The following ARHGAP44 variants were observed in gnomAD, a reference collection of about 807,000 sequenced individuals.
ARHGAP44 encodes the protein rho GTPase-activating protein 44.
In ARHGAP44, 43 loss-of-function variants were observed where a neutral mutation model predicts 106.8. The observed-to-expected ratio is 0.40, with a 90% CI of 0.32 to 0.52. The LOEUF is 0.52. Ranked by LOEUF, ARHGAP44 falls within the 20% of genes least tolerant of loss-of-function variation. The probability of loss-of-function intolerance (pLI) is 0.48; values close to 1 mark genes in which losing one functional copy is unlikely to be tolerated. For missense variants in ARHGAP44, 866 were observed against 1,050.5 expected, an observed-to-expected ratio of 0.82 and a Z score of 2.43; for synonymous variants, 439 against 410.3, an observed-to-expected ratio of 1.07 and a Z score of -0.85.
intron 1 of ARHGAP44, among the ~76,000 whole-genome samples, chr17:12,799,825 C>T (rs1567619361): frequency 6.6e-6 from 1 of 152,154 alleles, no homozygotes; most frequent in Non-Finnish European, 1.5e-5. Flanking sequence ...AGACAGAGTT[C>T]ACCATGTTGG....
At chr17:12,864,497 C>A (rs751812976) in intron 1 of ARHGAP44, among the ~76,000 whole-genome samples, 2 of 152,104 alleles carry the variant, frequency 1.3e-5, no homozygotes, top group Non-Finnish European at 2.9e-5. Flanking sequence ...CAGTGCCTCA[C>A]CTAACTCCGT....
chr17:12,963,619 G>T (rs2039317584), intron 16 of ARHGAP44, among the ~76,000 whole-genome samples: 2 of 151,818 alleles, frequency 1.3e-5, no homozygotes. Context: ...GTGCAGACAG[G>T]CTGGCTTTGC....
intron 16 of ARHGAP44, among the ~76,000 whole-genome samples, chr17:12,969,666 C>T (rs1281141465): frequency 6.6e-6 from 1 of 152,212 alleles, no homozygotes; most frequent in Non-Finnish European, 1.5e-5. Context: ...AAGGTGTTGT[C>T]TGATGCTCTG....
intron 1 of ARHGAP44, among the ~76,000 whole-genome samples, chr17:12,855,749 G>A (rs574304137): frequency 1.3e-5 from 2 of 152,128 alleles, no homozygotes; most frequent in East Asian, 1.9e-4. Flanking sequence ...TTAAGTGAGC[G>A]ATTAATGTTG....
intron 1 of ARHGAP44, among the ~76,000 whole-genome samples, chr17:12,842,469 C>T (rs2035447521): frequency 6.6e-6 from 1 of 151,306 alleles, no homozygotes; most frequent in Non-Finnish European, 1.5e-5. Context: ...AAAATCATCC[C>T]AGGTTATCCA....
chr17:12,874,469 A>G (rs1041467637), intron 1 of ARHGAP44, among the ~76,000 whole-genome samples: 1 of 152,046 alleles, frequency 6.6e-6, no homozygotes, highest in Non-Finnish European at 1.5e-5. Flanking sequence ...GGCAGCTCAC[A>G]CCTGTAATCC....
intron 1 of ARHGAP44, among the ~76,000 whole-genome samples, chr17:12,832,001 A>C (rs1362282548): frequency 6.6e-6 from 1 of 152,168 alleles, no homozygotes; most frequent in African/African-American, 2.4e-5. Context: ...CCAAGACTGA[A>C]GCCTAGGCCA....
intron 1 of ARHGAP44, among the ~76,000 whole-genome samples, chr17:12,884,069 CAA>C (rs2036814270): frequency 6.6e-6 from 1 of 152,054 alleles, no homozygotes; most frequent in Non-Finnish European, 1.5e-5. Context: ...TTTTCTCCCT[CAA>C]AGTCTATTAG....
Position 12,913,069 on chromosome 17 carries a change from C to T in ARHGAP44, c.276-2831C>T, listed in dbSNP as rs150948182. Among the ~76,000 whole-genome samples, 690 of 152,154 alleles carry T rather than the reference C, an allele frequency of 4.5e-3. 8 individuals carry two copies. The highest frequency in any genetic ancestry group is 0.016 in the African/African-American group (654 of 41,500). On this transcript the variant is annotated intron_variant, in intron 4 of 20. Transcript: ENST00000379672. ...CTTAGGGATACAGGAAAACTCAATC[C>T]GCATTGAGACAGGTCCAGGAGGGAT...
intron 1 of ARHGAP44, among the ~76,000 whole-genome samples, chr17:12,870,892 G>A (rs1385353949): frequency 1.3e-5 from 2 of 152,144 alleles, no homozygotes; most frequent in African/African-American, 4.8e-5. Context: ...CCTTTAGTGA[G>A]CATTAAGGAA....
At chr17:12,980,297 CT>C (rs1352328833) in intron 19 of ARHGAP44, 64 bp downstream of exon 19, 2 of 1,498,048 alleles carry the variant, frequency 1.3e-6, no homozygotes, top group Non-Finnish European at 1.8e-6. Context: ...TCCCTGAAGG[CT>C]CGTTTTCCTC....
intron 18 of ARHGAP44, among the ~76,000 whole-genome samples, chr17:12,975,795 C>CA (rs57364760): frequency 0.21 from 14,854 of 69,320 alleles, 2,101 homozygotes; most frequent in African/African-American, 0.3. Flanking sequence ...GACTCCGTCT[C>CA]AAAAAAAAAA....
chr17:12,966,724 G>A (rs1484839533), intron 16 of ARHGAP44, among the ~76,000 whole-genome samples: 1 of 152,162 alleles, frequency 6.6e-6, no homozygotes, highest in African/African-American at 2.4e-5. Flanking sequence ...CTCTTTCTTG[G>A]CTGGCCTTTG....
intron 1 of ARHGAP44, among the ~76,000 whole-genome samples, chr17:12,836,020 T>G (rs1372825439): frequency 6.6e-6 from 1 of 152,240 alleles, no homozygotes; most frequent in South Asian, 2.1e-4. Flanking sequence ...TGTATGTATA[T>G]CCACATTTTG....
chr17:12,916,063 G>A, intron 5 of ARHGAP44, 52 bp downstream of exon 5: 2 of 1,409,664 alleles, frequency 1.4e-6, no homozygotes, highest in Non-Finnish European at 2.0e-6. Context: ...GTACCGAACA[G>A]GAGCCCCTCA....
intron 5 of ARHGAP44, among the ~76,000 whole-genome samples, chr17:12,918,299 C>T (rs1174369648): frequency 5.3e-5 from 8 of 152,230 alleles, no homozygotes; most frequent in African/African-American, 1.7e-4. Context: ...GAACATTACT[C>T]ATCCCTGCTC....
chr17:12,933,728 T>C (rs926266103), intron 7 of ARHGAP44, among the ~76,000 whole-genome samples: 1 of 152,214 alleles, frequency 6.6e-6, no homozygotes, highest in Non-Finnish European at 1.5e-5. Context: ...GCAACAGCAG[T>C]ATCAGTTTCA....
At chr17:12,928,754 A>G (rs1268798810) in intron 6 of ARHGAP44, among the ~76,000 whole-genome samples, 175 bp from the exon 7 acceptor site, 3 of 152,202 alleles carry the variant, frequency 2.0e-5, no homozygotes, top group South Asian at 2.1e-4. Flanking sequence ...ACGCATGGAA[A>G]TATGGGCCCA....
intron 1 of ARHGAP44, among the ~76,000 whole-genome samples, chr17:12,811,587 T>C (rs2034443051): frequency 6.6e-6 from 1 of 152,166 alleles, no homozygotes; most frequent in Non-Finnish European, 1.5e-5. Flanking sequence ...CCTGTGTTGT[T>C]CAAAGGCCAA....
Sources: gnomAD v4.1 joint callset for allele counts (sites outside exome capture counted in the v4.1 genomes callset) on GRCh38, gnomAD v4.1.1 for gene constraint, MANE v1.5 for transcripts, NCBI Gene and HGNC (gene_info 2026-07-23, HGNC 2026-07-21) for gene names.